The following MEF2B variants were observed in gnomAD, a reference collection of about 807,000 sequenced individuals.
The protein encoded by MEF2B is myocyte enhancer factor 2B, also known as myocyte-specific enhancer factor 2B.
In MEF2B, 15 loss-of-function variants were observed where a neutral mutation model predicts 32.2. The ratio of observed to expected loss-of-function variants is 0.47; its 90% CI spans 0.31 to 0.72. MEF2B has a LOEUF of 0.72. MEF2B is among the 30% of genes least tolerant of loss of function. MEF2B has a pLI of 0.05. For missense variants in MEF2B, 441 were observed against 511.5 expected (o/e 0.86, Z 1.33); for synonymous variants, 205 against 225.6 (o/e 0.91, Z 0.82).
chr19:19,169,394 G>A lies in MEF2B; in HGVS notation c.-30+811C>T, dbSNP rs1315700267. Among the ~76,000 whole-genome samples, 4 of 151,960 alleles carry A rather than the reference G, an allele frequency of 2.6e-5. No homozygotes were observed. In the East Asian group the frequency reaches 7.7e-4, roughly 29 times the overall value. On this transcript the variant is annotated intron_variant, in intron 1 of 8. Coordinates refer to ENST00000424583, the MANE Select transcript of MEF2B (RefSeq NM_001145785.2). ...AGAAAAGAAAAGAAAAAGAAAATGGGGGTCTCACTATGTTGCCCAGGCTGG... is the reference window on the plus strand; with the variant it reads ...AGAAAAGAAAAGAAAAAGAAAATGGAGGTCTCACTATGTTGCCCAGGCTGG...
chr19:19,146,361 G>T lies in MEF2B; in HGVS notation c.793C>A (p.Pro265Thr). The T allele has an allele frequency of 9.1e-7, 1 of 1,100,800 alleles. No individual in the cohort carries two copies. Among genetic ancestry groups the T allele is most frequent in the Non-Finnish European group, 1.2e-6 (1 of 815,930 alleles). 68.2% of individuals were successfully genotyped at this position (1,100,800 alleles called of 1,614,324 possible). A position where few individuals can be genotyped will look rare whatever the true frequency, so the allele number is the denominator to read the frequency against. The change falls in exon 8 of 9, where the codon CCG becomes ACG. Residue 265 changes from proline to threonine, a missense_variant. Pro to Thr is a conservative substitution (Grantham distance 38, BLOSUM62 -1). This residue lies in a region of MEF2B where 326 missense variants were observed against 328.4 expected (regional missense o/e 0.99). Transcript: ENST00000424583. ...GGGGGCTGCAACAAGCCAGGGGGCG[G>T]TGGAGGGTCTCCCAGGCCATATTCT... ...PPEYGLGDPPPPPGLLQPPTL... is the reference protein window; with the variant it reads ...PPEYGLGDPPTPPGLLQPPTL...
At chr19:19,158,092 CT>C (rs113158341) in intron 1 of MEF2B, among the ~76,000 whole-genome samples, 26,578 of 144,220 alleles carry the variant, frequency 0.18, 2,755 homozygotes, top group East Asian at 0.34. Flanking sequence ...AGGAAGATTT[CT>C]TTTTTTTTTT....
At chr19:19,149,951 G>C (rs28451834) in intron 2 of MEF2B, among the ~76,000 whole-genome samples, 13,612 of 151,548 alleles carry the variant, frequency 0.09, 753 homozygotes, top group Middle Eastern at 0.14. Flanking sequence ...CAGGCGTGGT[G>C]GTGGGCGCCT....
At chr19:19,154,912 A>G (rs2060110194) in intron 1 of MEF2B, among the ~76,000 whole-genome samples, 1 of 152,188 alleles carries the variant, frequency 6.6e-6, no homozygotes, top group Non-Finnish European at 1.5e-5. Context: ...CCTCTGTGCT[A>G]GGCCTGTGCC....
chr19:19,156,161 T>C (rs1266088279), intron 1 of MEF2B, among the ~76,000 whole-genome samples: 1 of 152,146 alleles, frequency 6.6e-6, no homozygotes, highest in Non-Finnish European at 1.5e-5. Context: ...AGTATCAACC[T>C]GTGCAAGTCA....
chr19:19,159,639 G>T (rs1019245913), intron 1 of MEF2B, among the ~76,000 whole-genome samples: 3 of 152,124 alleles, frequency 2.0e-5, no homozygotes, highest in African/African-American at 7.2e-5. Context: ...TGAGCGATGT[G>T]GGGGTGAGGG....
intron 1 of MEF2B, among the ~76,000 whole-genome samples, chr19:19,162,812 G>T (rs1184638237): frequency 6.6e-6 from 1 of 152,152 alleles, no homozygotes; most frequent in Non-Finnish European, 1.5e-5. Context: ...GTCAGTCCAG[G>T]ATTCAAATCC....
intron 1 of MEF2B, among the ~76,000 whole-genome samples, chr19:19,162,282 C>A (rs985351674): frequency 2.0e-5 from 3 of 152,158 alleles, no homozygotes; most frequent in African/African-American, 7.2e-5. Flanking sequence ...AATTTTTAAC[C>A]AGACTATGCC....
intron 1 of MEF2B, among the ~76,000 whole-genome samples, chr19:19,158,890 T>G (rs2060139119): frequency 1.3e-5 from 2 of 151,768 alleles, no homozygotes. Context: ...TGAACTGAGA[T>G]CCTGTCACTG....
At chr19:19,165,404 C>T (rs980246577) in intron 1 of MEF2B, among the ~76,000 whole-genome samples, 2 of 152,144 alleles carry the variant, frequency 1.3e-5, no homozygotes, top group Non-Finnish European at 1.5e-5. Flanking sequence ...GATCGCACCA[C>T]TGCACTCCAG....
Position 19,145,737 on chromosome 19 carries a change from T to G in MEF2B, c.*60A>C. 13 of 1,557,538 alleles carry G rather than the reference T, an allele frequency of 8.3e-6. No individual in the cohort carries two copies. Among genetic ancestry groups the G allele is most frequent in the Non-Finnish European group, 1.1e-5 (13 of 1,151,134 alleles). On this transcript the variant is annotated 3_prime_UTR_variant, in exon 9 of 9. Coordinates refer to ENST00000424583, the MANE Select transcript of MEF2B (RefSeq NM_001145785.2). This position sits in a 1 kb window ranked among gnomAD's most constrained non-coding sequence, Gnocchi z 4.6. ...TGAAGAGGCCTGGAGGGAGGTGGGG[T>G]CCCCACGTGCCCTCGCCGTACCTGG...
At position 19,147,179 on chromosome 19, in the gene MEF2B, G is replaced by T; in HGVS notation, c.398C>A (p.Ala133Glu). Reference sequence around the variant, plus strand: ...ATCTGGGCTGGGCATAGCAGGAGCTGCAGGCTGTGGGTAGAGAAGGGATGG... The same window carrying T: ...ATCTGGGCTGGGCATAGCAGGAGCTTCAGGCTGTGGGTAGAGAAGGGATGG... ...PALPRPRLYP[A>E]APAMPSPDVV... The change falls in exon 5 of 9, where the codon GCA becomes GAA. Residue 133 changes from alanine to glutamate, a missense_variant. Ala to Glu is a moderately radical substitution (Grantham distance 107, BLOSUM62 -1). Around this residue, in one of 2 missense-constraint regions of MEF2B, gnomAD observed 326 missense variants for 328.4 expected, o/e 0.99. Transcript: ENST00000424583. The T allele has an allele frequency of 1.3e-6, 2 of 1,572,616 alleles. No individual in the cohort carries two copies. The highest frequency in any genetic ancestry group is 3.9e-5 in the Admixed American group (2 of 51,944).
At chr19:19,169,091 G>A (rs1041375386) in intron 1 of MEF2B, among the ~76,000 whole-genome samples, 1 of 151,298 alleles carries the variant, frequency 6.6e-6, no homozygotes, top group Non-Finnish European at 1.5e-5. Flanking sequence ...AGGGGCTCAC[G>A]CCTGTAATCC....
chr19:19,146,716 C>T (rs745850759), intron 6 of MEF2B, 26 bp downstream of exon 6: 9 of 1,613,756 alleles, frequency 5.6e-6, no homozygotes, highest in African/African-American at 4.0e-5. Context: ...CCCTCATCAG[C>T]CCTGCCACAC....
intron 8 of MEF2B, 82 bp from the exon 9 acceptor site, chr19:19,146,104 G>T: frequency 8.1e-7 from 1 of 1,232,968 alleles, no homozygotes; most frequent in South Asian, 1.7e-5. Context: ...GTGGGCAAAG[G>T]CTTGGCAGGA....
At chr19:19,150,378 T>G (rs1207524049) in intron 2 of MEF2B, among the ~76,000 whole-genome samples, 1 of 151,418 alleles carries the variant, frequency 6.6e-6, no homozygotes, top group African/African-American at 2.4e-5. Context: ...AACTGCAAAA[T>G]TAGCTGGGCT....
chr19:19,151,879 T>C (rs2060083620), intron 1 of MEF2B, among the ~76,000 whole-genome samples: 1 of 151,830 alleles, frequency 6.6e-6, no homozygotes. Flanking sequence ...TCCCAGCACT[T>C]TGGGAGGCCG....
At chr19:19,155,782 T>C (rs2060115854) in intron 1 of MEF2B, among the ~76,000 whole-genome samples, 1 of 152,122 alleles carries the variant, frequency 6.6e-6, no homozygotes, top group South Asian at 2.1e-4. Flanking sequence ...GTTGGTGTGA[T>C]CGGAACTGCT....
At chr19:19,151,324 C>T (rs2060078283) in intron 1 of MEF2B, among the ~76,000 whole-genome samples, 1 of 152,100 alleles carries the variant, frequency 6.6e-6, no homozygotes, top group African/African-American at 2.4e-5. Context: ...CTGGAAAGGC[C>T]TCCAGCTCAG....
Sources: gnomAD v4.1 joint callset for allele counts (sites outside exome capture counted in the v4.1 genomes callset) on GRCh38, gnomAD v4.1.1 for gene constraint, gnomAD v4.1.1 regional missense constraint, Gnocchi (gnomAD v3.1) non-coding constraint, MANE v1.5 for transcripts, NCBI Gene and HGNC (gene_info 2026-07-23, HGNC 2026-07-21) for gene names.